The following SOX5 variants were observed in gnomAD, a reference collection of about 807,000 sequenced individuals.
SOX5 encodes transcription factor SOX-5.
Under a neutral mutation model 92.0 loss-of-function variants are expected in SOX5, and 9 were observed. That is an observed-to-expected ratio of 0.10 (90% CI 0.06 to 0.17). SOX5 has a LOEUF of 0.17. Ranked by LOEUF, SOX5 falls within the 10% of genes least tolerant of loss-of-function variation. The pLI is 1.00. For synonymous variants in SOX5, 344 were observed against 336.3 expected (o/e 1.02, Z -0.25); for missense variants, 642 against 944.5 (o/e 0.68, Z 4.20).
chr12:24,015,919 G>A (rs796286307), intron 4 of SOX5, among the ~76,000 whole-genome samples: 1 of 103,662 alleles, frequency 9.6e-6, no homozygotes, highest in African/African-American at 3.9e-5. Flanking sequence ...TTCAATGGGG[G>A]CAGAAAAAAA....
intron 2 of SOX5, among the ~76,000 whole-genome samples, chr12:23,866,097 C>T (rs1297039013): frequency 6.6e-5 from 10 of 152,112 alleles, no homozygotes. Context: ...CCTGTGAACA[C>T]CGTTGAAATA....
At chr12:24,301,337 T>C (rs17500053) in intron 2 of SOX5, among the ~76,000 whole-genome samples, 5,158 of 152,352 alleles carry the variant, frequency 0.034, 136 homozygotes, top group Non-Finnish European at 0.052. Flanking sequence ...GGATTATTTA[T>C]GGAAAGCATC....
At chr12:23,906,843 TAAAG>T (rs997619662) in intron 1 of SOX5, among the ~76,000 whole-genome samples, 1 of 151,412 alleles carries the variant, frequency 6.6e-6, no homozygotes, top group African/African-American at 2.4e-5. Flanking sequence ...GTTAAGGAAA[TAAAG>T]ACAGTATTAA....
intron 4 of SOX5, among the ~76,000 whole-genome samples, chr12:23,989,224 A>C (rs1950334487): frequency 7.0e-6 from 1 of 142,354 alleles, no homozygotes; most frequent in Admixed American, 6.9e-5. Flanking sequence ...AATACAAAAA[A>C]AAAAAAAAAA....
intron 3 of SOX5, 62 bp from the exon 4 acceptor site, chr12:23,755,786 A>T (rs975504328): frequency 9.1e-7 from 1 of 1,104,594 alleles, no homozygotes. Context: ...GGAGCTCATT[A>T]AAAGTCTATC....
At chr12:23,976,828 T>A (rs549923657) in intron 4 of SOX5, among the ~76,000 whole-genome samples, 149 of 151,746 alleles carry the variant, frequency 9.8e-4, no homozygotes, top group Admixed American at 2.0e-3. Context: ...TTTTTTTTTT[T>A]AAAACAAAAA....
chr12:24,000,902 G>T (rs901409820), intron 4 of SOX5, among the ~76,000 whole-genome samples: 5 of 152,054 alleles, frequency 3.3e-5, no homozygotes, highest in Non-Finnish European at 5.9e-5. Context: ...AATTAGACAG[G>T]ATATACAAGA....
chr12:24,022,436 G>A (rs1954402336), intron 4 of SOX5, among the ~76,000 whole-genome samples: 1 of 152,100 alleles, frequency 6.6e-6, no homozygotes, highest in Admixed American at 6.6e-5. Context: ...AGCCTTGTAG[G>A]CCATGTTAAG....
intron 4 of SOX5, among the ~76,000 whole-genome samples, chr12:24,184,468 C>T (rs1955826016): frequency 6.6e-6 from 1 of 152,094 alleles, no homozygotes; most frequent in Admixed American, 6.6e-5. Context: ...TGATTTCAAG[C>T]AGTTCAGATA....
At chr12:24,245,639 C>T (rs1354203077) in intron 3 of SOX5, among the ~76,000 whole-genome samples, 1 of 152,082 alleles carries the variant, frequency 6.6e-6, no homozygotes, top group Admixed American at 6.6e-5. Context: ...TGAATATGTA[C>T]ACGCACATAT....
intron 2 of SOX5, among the ~76,000 whole-genome samples, chr12:24,337,355 A>AAG (rs1054583607): frequency 9.3e-6 from 1 of 107,710 alleles, no homozygotes; most frequent in African/African-American, 3.5e-5. Context: ...TTTTTTTTTT[A>AAG]AGAGAGAGAG....
chr12:24,467,916 C>A (rs926966410), intron 1 of SOX5, among the ~76,000 whole-genome samples: 12 of 151,926 alleles, frequency 7.9e-5, no homozygotes, highest in African/African-American at 2.9e-4. Context: ...GCTGTCTGGA[C>A]CCCTAAGTAG....
At chr12:23,724,825 C>T (rs1030893409) in intron 6 of SOX5, among the ~76,000 whole-genome samples, 2 of 152,138 alleles carry the variant, frequency 1.3e-5, no homozygotes, top group Non-Finnish European at 2.9e-5. Flanking sequence ...ACACTCAGCA[C>T]GTTCCCAGCA....
chr12:24,355,807 C>A (rs1261094502), intron 2 of SOX5, among the ~76,000 whole-genome samples: 1 of 152,076 alleles, frequency 6.6e-6, no homozygotes, highest in Admixed American at 6.5e-5. Context: ...TTACTTATTT[C>A]CAGACACAAA....
chr12:24,132,000 G>GT (rs1949692127), intron 4 of SOX5, among the ~76,000 whole-genome samples: 1 of 152,096 alleles, frequency 6.6e-6, no homozygotes, highest in Non-Finnish European at 1.5e-5. Context: ...CCACATCCTT[G>GT]TTATCATTTC....
At chr12:23,670,449 A>G (rs1304985699) in intron 6 of SOX5, among the ~76,000 whole-genome samples, 1 of 152,124 alleles carries the variant, frequency 6.6e-6, no homozygotes, top group Non-Finnish European at 1.5e-5. Flanking sequence ...GAGCACATTT[A>G]TTGGCTGAAA....
At chr12:23,994,754 T>C (rs546751107) in intron 4 of SOX5, among the ~76,000 whole-genome samples, 4 of 152,254 alleles carry the variant, frequency 2.6e-5, no homozygotes, top group Non-Finnish European at 4.4e-5. Flanking sequence ...ATATCCACCA[T>C]TATGGTCACT....
chr12:24,245,745 T>C (rs1938573283), intron 3 of SOX5, among the ~76,000 whole-genome samples: 1 of 152,030 alleles, frequency 6.6e-6, no homozygotes, highest in Non-Finnish European at 1.5e-5. Context: ...AATAACAAAA[T>C]TTGGCTAGGT....
intron 3 of SOX5, among the ~76,000 whole-genome samples, chr12:23,783,797 G>C (rs965412127): frequency 1.3e-5 from 2 of 152,130 alleles, no homozygotes; most frequent in African/African-American, 4.8e-5. Context: ...AGGCTCCAAA[G>C]AGGCCACCAC....
Sources: gnomAD v4.1 joint callset for allele counts (sites outside exome capture counted in the v4.1 genomes callset) on GRCh38, gnomAD v4.1.1 for gene constraint, MANE v1.5 for transcripts, NCBI Gene and HGNC (gene_info 2026-07-23, HGNC 2026-07-21) for gene names.